Variants in LY75 observed in about 807,000 individuals in gnomAD.
The protein encoded by LY75 is C-type lectin domain family 13 member B.
In LY75, 185 loss-of-function variants were observed where a neutral mutation model predicts 231.7. That is an observed-to-expected ratio of 0.80 (90% CI 0.71 to 0.90). The LOEUF is 0.90. LY75 is among the 40% of genes least tolerant of loss of function. The pLI is 0.00. For missense variants in LY75, 1,947 were observed against 2,050.2 expected (o/e 0.95, Z 0.97); for synonymous variants, 668 against 689.0 (o/e 0.97, Z 0.48).
At position 159,899,019 on chromosome 2, in the gene LY75, C is replaced by G; in HGVS notation, c.135G>C (p.Lys45Asn). The change falls in exon 2 of 35, where the codon AAG becomes AAC. Residue 45 changes from lysine (K) to asparagine (N), a missense_variant. Physicochemically the swap from Lys to Asn is moderately conservative, Grantham distance 94 (BLOSUM62 0). Transcript: ENST00000263636. ...PFTIVHGNTG[K>N]CIKPVYGWIV... ...TCCAGCCATACACTGGCTTGATGCA[C>G]TTGCCCGTATTTCCATGGACGATGG... 6.2e-7 allele frequency: 1 copy of G among 1,614,030 alleles called. No homozygotes were observed. The highest frequency in any genetic ancestry group is 8.5e-7 in the Non-Finnish European group (1 of 1,179,904).
chr2:159,824,085 T>C (rs1207715210), intron 28 of LY75, among the ~76,000 whole-genome samples: 2 of 152,168 alleles, frequency 1.3e-5, no homozygotes, highest in African/African-American at 4.8e-5. Flanking sequence ...CAGGATCAAA[T>C]TCACACATAA....
Position 159,904,671 on chromosome 2 carries a change from G to A in LY75, c.12C>T (p.Gly4=). MRT[G]WATPRRPAGL... ...CCGCCGGGCGGCGAGGGGTCGCCCA[G>A]CCTGTCCTCATCCTGAGCTGGCGCA... The change falls in exon 1 of 35, where the codon GGC becomes GGT. Residue 4 remains glycine, a synonymous_variant. Transcript: ENST00000263636. The A allele has an allele frequency of 6.8e-7, 1 of 1,475,792 alleles. No individual in the cohort carries two copies. The highest frequency in any genetic ancestry group is 8.9e-7 in the Non-Finnish European group (1 of 1,117,350). The allele number at this position is 1,475,792 out of a possible 1,614,324, so 91.4% of individuals were successfully genotyped here.
At chr2:159,826,317 CAAAT>C (rs1683466400) in intron 28 of LY75, among the ~76,000 whole-genome samples, 1 of 152,192 alleles carries the variant, frequency 6.6e-6, no homozygotes, top group African/African-American at 2.4e-5. Context: ...CAATAACAGA[CAAAT>C]AGAGAGCCAA....
At chr2:159,813,718 A>G (rs7602234) in intron 31 of LY75, among the ~76,000 whole-genome samples, 49,108 of 151,926 alleles carry the variant, frequency 0.32, 9,933 homozygotes, top group Admixed American at 0.49. Flanking sequence ...AACTACCTAG[A>G]TCTGTAAAGA....
chr2:159,811,017 TC>T (rs1682943121), intron 31 of LY75, among the ~76,000 whole-genome samples: 1 of 152,104 alleles, frequency 6.6e-6, no homozygotes, highest in African/African-American at 2.4e-5. Context: ...ATTATTTCTT[TC>T]TTTGGATTCC....
intron 15 of LY75, among the ~76,000 whole-genome samples, chr2:159,860,241 A>T (rs566214000): frequency 1.3e-5 from 2 of 152,234 alleles, no homozygotes; most frequent in East Asian, 3.9e-4. Context: ...TACCCTCCTT[A>T]GTTCATGTGA....
intron 12 of LY75, 62 bp downstream of exon 12, chr2:159,875,382 A>G: frequency 6.4e-7 from 1 of 1,572,648 alleles, no homozygotes; most frequent in East Asian, 2.2e-5. Flanking sequence ...TTGTACAAGG[A>G]CATGAACAAG....
chr2:159,855,402 A>C (rs958237003), intron 16 of LY75, among the ~76,000 whole-genome samples: 1 of 152,230 alleles, frequency 6.6e-6, no homozygotes, highest in Non-Finnish European at 1.5e-5. Flanking sequence ...GATAGAGTTC[A>C]TTGTCTTCCA....
chr2:159,840,764 T>C lies in LY75; in HGVS notation c.3472A>G (p.Asn1158Asp). The C allele has an allele frequency of 6.2e-7, 1 of 1,614,026 alleles. No homozygotes were observed. Among genetic ancestry groups the C allele is most frequent in the Non-Finnish European group, 8.5e-7 (1 of 1,179,958 alleles). Residue 1158 changes from asparagine to aspartate, a missense_variant, in exon 25 of 35, where the codon AAC becomes GAC. Transcript: ENST00000263636. ...AAGAGTCCGATCCATAAGGAAGAGT[T>C]GTGAAGGAGCGCCTGCACACTGAGG... ...AFLSVQALLH[N>D]SSLWIGLFSQ... is the part of the protein sequence containing the mutation.
At chr2:159,877,211 T>G (rs1287706934) in intron 11 of LY75, among the ~76,000 whole-genome samples, 1 of 152,126 alleles carries the variant, frequency 6.6e-6, no homozygotes, top group Non-Finnish European at 1.5e-5. Flanking sequence ...CTAACTTTTG[T>G]GGGCATTTTC....
At chr2:159,898,261 T>C (rs566258270) in intron 2 of LY75, among the ~76,000 whole-genome samples, 5 of 152,140 alleles carry the variant, frequency 3.3e-5, no homozygotes, top group African/African-American at 1.2e-4. Flanking sequence ...ACCGCAACCA[T>C]GCACCACTAC....
At chr2:159,828,103 A>C (rs909565103) in intron 28 of LY75, among the ~76,000 whole-genome samples, 1 of 152,142 alleles carries the variant, frequency 6.6e-6, no homozygotes, top group Non-Finnish European at 1.5e-5. Flanking sequence ...CTTAAAGTAC[A>C]ATAAAAAAAG....
At chr2:159,878,173 A>C (rs1685328479) in intron 11 of LY75, 151 bp downstream of exon 11, 1 of 1,073,476 alleles carries the variant, frequency 9.3e-7, no homozygotes, top group Admixed American at 2.6e-5. Flanking sequence ...AGACATAGCC[A>C]CTGCTTCTAT....
chr2:159,892,134 A>G (rs920290049), intron 3 of LY75, among the ~76,000 whole-genome samples: 2 of 152,166 alleles, frequency 1.3e-5, no homozygotes, highest in African/African-American at 4.8e-5. Context: ...ACTGAATCAG[A>G]ATCTCTGGGC....
chr2:159,856,360 A>G (rs1169435346), intron 16 of LY75, among the ~76,000 whole-genome samples: 1 of 152,226 alleles, frequency 6.6e-6, no homozygotes, highest in Admixed American at 6.5e-5. Context: ...TTGTCAAAAT[A>G]TCTCTTTTAG....
At position 159,878,274 on chromosome 2, in the gene LY75, G is replaced by A. The variant is rs766057100; in HGVS notation, c.1774+50C>T. 2.5e-6 allele frequency: 4 copies of A among 1,573,912 alleles called. No homozygotes were observed. In the Admixed American group the frequency reaches 5.7e-5, roughly 22 times the overall value. On this transcript the variant is annotated intron_variant, in intron 11 of 34. Coordinates refer to ENST00000263636, the MANE Select transcript of LY75 (RefSeq NM_002349.4). ...GAGGAACATCTTTGGGAGGAGTGCTGCCTTTCACTAGTCACAGTATACTAC... is the reference window on the plus strand; with the variant it reads ...GAGGAACATCTTTGGGAGGAGTGCTACCTTTCACTAGTCACAGTATACTAC...
At chr2:159,864,996 A>G in intron 13 of LY75, 76 bp from the exon 14 acceptor site, 2 of 1,304,800 alleles carry the variant, frequency 1.5e-6, no homozygotes, top group Non-Finnish European at 2.1e-6. Context: ...TCTAATGTGC[A>G]TCACTAATTG....
chr2:159,830,550 C>T (rs2556097), intron 28 of LY75, among the ~76,000 whole-genome samples: 61,145 of 149,866 alleles, frequency 0.41, 14,128 homozygotes, highest in Non-Finnish European at 0.52. Flanking sequence ...TCCAAATATT[C>T]GAGCCCATTG....
rs958960561 is a variant in LY75, at chr2:159,902,694, G to A, written c.94+1895C>T. On this transcript the variant is annotated intron_variant, in intron 1 of 34. Coordinates refer to ENST00000263636, the MANE Select transcript of LY75 (RefSeq NM_002349.4). Reference sequence around the variant, plus strand: ...TAGGTGCAGCAAGAGAGAATCAGAAGTCTAGGTTTGTTAGTTCAAAAACAG... The same window carrying A: ...TAGGTGCAGCAAGAGAGAATCAGAAATCTAGGTTTGTTAGTTCAAAAACAG... The A allele has an allele frequency of 5.9e-5, 9 of 152,264 alleles. No individual in the cohort carries two copies. In the East Asian group the frequency reaches 1.3e-3, roughly 23 times the overall value. 9.4% of individuals were successfully genotyped at this position (152,264 alleles called of 1,614,324 possible).
Sources: allele counts gnomAD v4.1 joint callset (sites outside exome capture counted in the v4.1 genomes callset), GRCh38; gene constraint gnomAD v4.1.1; transcripts MANE v1.5; gene names NCBI Gene and HGNC (gene_info 2026-07-23, HGNC 2026-07-21).